ARHGEF26: variants seen among roughly 807,000 people sequenced by gnomAD.
The protein encoded by ARHGEF26 is Rho guanine nucleotide exchange factor 26.
Under a neutral mutation model 89.4 loss-of-function variants are expected in ARHGEF26, and 59 were observed. The observed-to-expected ratio is 0.66, with a 90% CI of 0.54 to 0.82. The LOEUF (loss-of-function observed/expected upper bound fraction) is 0.82. ARHGEF26 is among the 40% of genes least tolerant of loss of function. The pLI is 0.00. For synonymous variants in ARHGEF26, 500 were observed against 428.4 expected (o/e 1.17, Z -2.06); for missense variants, 1,234 against 1,085.6 (o/e 1.14, Z -1.92).
At chr3:154,248,999 G>T (rs1283679179) in intron 12 of ARHGEF26, among the ~76,000 whole-genome samples, 1 of 152,112 alleles carries the variant, frequency 6.6e-6, no homozygotes, top group Admixed American at 6.5e-5. Context: ...CTTTACAAAG[G>T]TTCGAAGGAC....
intron 6 of ARHGEF26, among the ~76,000 whole-genome samples, chr3:154,162,900 T>C (rs1250755890): frequency 1.3e-5 from 2 of 152,198 alleles, no homozygotes; most frequent in Non-Finnish European, 2.9e-5. Context: ...AAATGCACTA[T>C]AATAAACGAT....
At chr3:154,247,144 G>A (rs1180711556) in intron 12 of ARHGEF26, among the ~76,000 whole-genome samples, 1 of 151,976 alleles carries the variant, frequency 6.6e-6, no homozygotes, top group African/African-American at 2.4e-5. Context: ...GTTTTTCTCA[G>A]CCTCTTATCT....
intron 4 of ARHGEF26, among the ~76,000 whole-genome samples, chr3:154,133,730 G>A (rs1464971490): frequency 6.6e-6 from 1 of 151,952 alleles, no homozygotes; most frequent in Non-Finnish European, 1.5e-5. Flanking sequence ...TTTCCAGTTT[G>A]TGAAGAATCT....
At chr3:154,187,216 A>T (rs1713624700) in intron 6 of ARHGEF26, 2 of 984,354 alleles carry the variant, frequency 2.0e-6, no homozygotes, top group African/African-American at 3.5e-5. Flanking sequence ...TTAAGCATTT[A>T]TTTAGGTGTT....
intron 4 of ARHGEF26, among the ~76,000 whole-genome samples, chr3:154,137,588 T>C (rs192270995): frequency 6.6e-6 from 1 of 152,314 alleles, no homozygotes; most frequent in Non-Finnish European, 1.5e-5. Flanking sequence ...GTATGTGGTC[T>C]TGCTTTTTAT....
At chr3:154,241,545 T>C (rs1419041748) in intron 12 of ARHGEF26, among the ~76,000 whole-genome samples, 1 of 152,244 alleles carries the variant, frequency 6.6e-6, no homozygotes. Context: ...AGAAAAGTTA[T>C]TGAAGGACAC....
In ARHGEF26 at chr3:154,171,396, T is replaced by C. The variant is rs148654496; in HGVS notation, c.1488-16289T>C. Among the ~76,000 whole-genome samples, 116 of 152,278 alleles carry C rather than the reference T, an allele frequency of 7.6e-4. 1 individual carries two copies. The East Asian group carries it at 0.018, about 24-fold the overall frequency. ...TATCACCTAAAGTACATAATTTACA[T>C]TACGGTTTGCTCTTGATGTTCTACA... On this transcript the variant is annotated intron_variant, in intron 6 of 14. Coordinates refer to ENST00000465093, the MANE Select transcript of ARHGEF26 (RefSeq NM_015595.4).
chr3:154,209,063 G>A (rs957595938), intron 9 of ARHGEF26, among the ~76,000 whole-genome samples: 9 of 151,934 alleles, frequency 5.9e-5, no homozygotes, highest in Non-Finnish European at 8.8e-5. Context: ...CACTGTGCCT[G>A]GCCGCCAGTT....
In ARHGEF26 at chr3:154,256,817, C is replaced by CAG. The variant is rs144397431; in HGVS notation, c.*1347_*1348dup. On this transcript the variant is annotated 3_prime_UTR_variant, in exon 15 of 15. Coordinates refer to ENST00000465093, the MANE Select transcript of ARHGEF26 (RefSeq NM_015595.4). ...ACTAAAAGCCTTAACTTGCTGTATT[C>CAG]AGAGTCCCTCTTAACTGTGAGTTTC... The CAG allele has an allele frequency of 8.7e-4, 1,316 of 1,519,898 alleles. 8 individuals are homozygous for CAG. In the African/African-American group the frequency reaches 0.016, roughly 19 times the overall value. The allele number at this position is 1,519,898 out of a possible 1,614,324, so 94.2% of individuals were successfully genotyped here.
chr3:154,219,773 G>T (rs1716003675), intron 10 of ARHGEF26, among the ~76,000 whole-genome samples: 2 of 151,898 alleles, frequency 1.3e-5, no homozygotes, highest in Admixed American at 6.6e-5. Context: ...AATTAGCCGG[G>T]CGTGGTGGCG....
At chr3:154,203,865 A>G (rs1221824154) in intron 9 of ARHGEF26, among the ~76,000 whole-genome samples, 1 of 144,638 alleles carries the variant, frequency 6.9e-6, no homozygotes, top group Non-Finnish European at 1.5e-5. Context: ...TTTTTTTTTG[A>G]TAATCTTTCT....
intron 6 of ARHGEF26, 68 bp downstream of exon 6, chr3:154,153,000 C>G (rs1720117504): frequency 7.6e-7 from 1 of 1,312,336 alleles, no homozygotes. Flanking sequence ...TTTGTTATCT[C>G]TAAAGGAAGG....
At chr3:154,179,832 A>C (rs1490258304) in intron 6 of ARHGEF26, among the ~76,000 whole-genome samples, 1 of 152,210 alleles carries the variant, frequency 6.6e-6, no homozygotes, top group African/African-American at 2.4e-5. Context: ...AGGATGTATT[A>C]GTTTTCTATT....
intron 5 of ARHGEF26, 47 bp downstream of exon 5, chr3:154,149,492 T>C: frequency 4.6e-6 from 7 of 1,515,078 alleles, no homozygotes; most frequent in Non-Finnish European, 6.3e-6. Context: ...AGTGTGCATG[T>C]CGGTGTCTGC....
At chr3:154,205,825 T>C (rs1169388514) in intron 9 of ARHGEF26, among the ~76,000 whole-genome samples, 4 of 152,228 alleles carry the variant, frequency 2.6e-5, no homozygotes, top group African/African-American at 9.6e-5. Context: ...TCTGTTTATA[T>C]CTTATTGTAC....
intron 9 of ARHGEF26, among the ~76,000 whole-genome samples, chr3:154,216,486 T>A (rs200222927): frequency 4.7e-3 from 127 of 26,846 alleles, no homozygotes; most frequent in African/African-American, 0.021. Flanking sequence ...TTGTTTTTTT[T>A]TTTTTATTTT....
At chr3:154,188,132 C>G (rs571545774) in intron 7 of ARHGEF26, among the ~76,000 whole-genome samples, 1 of 152,046 alleles carries the variant, frequency 6.6e-6, no homozygotes, top group Non-Finnish European at 1.5e-5. Context: ...ACTCTAAACC[C>G]GCAGTTTTCT....
In ARHGEF26 at chr3:154,240,459, G is replaced by A. The variant is rs759965102; in HGVS notation, c.2180G>A (p.Gly727Glu). The change falls in exon 12 of 15, where the codon GGG becomes GAG. Residue 727 changes from glycine (G) to glutamate (E), a missense_variant. Physicochemically the swap from Gly to Glu is moderately conservative, Grantham distance 98. Coordinates refer to ENST00000465093, the MANE Select transcript of ARHGEF26 (RefSeq NM_015595.4). ...AATGAAGAGCTTAATTCTTCTCCAG[G>A]GAAGAACAGCTCCACAATGCTCTAT... ...CDNEELNSSP[G>E]KNSSTMLYSR... 2 of 1,613,294 alleles carry A rather than the reference G, an allele frequency of 1.2e-6. No homozygotes were observed. The highest frequency in any genetic ancestry group is 2.2e-5 in the East Asian group (1 of 44,878).
intron 11 of ARHGEF26, among the ~76,000 whole-genome samples, chr3:154,238,334 A>T (rs1717252696): frequency 6.6e-6 from 1 of 152,194 alleles, no homozygotes; most frequent in African/African-American, 2.4e-5. Context: ...CAATCTTTTA[A>T]TTAATACAGA....
Sources: allele counts gnomAD v4.1 joint callset (sites outside exome capture counted in the v4.1 genomes callset), GRCh38; gene constraint gnomAD v4.1.1; transcripts MANE v1.5; gene names NCBI Gene and HGNC (gene_info 2026-07-23, HGNC 2026-07-21).